MSH3: variants seen among roughly 807,000 people sequenced by gnomAD.
MSH3 encodes DNA mismatch repair protein Msh3.
A neutral mutation model predicts 123.3 loss-of-function variants in MSH3; 106 were observed. That is an observed-to-expected ratio of 0.86 (90% CI 0.73 to 1.01). The LOEUF is 1.01. MSH3 is among the 50% of genes least tolerant of loss of function. The pLI is 0.00. For synonymous variants in MSH3, 515 were observed against 481.4 expected (o/e 1.07, Z -0.91); for missense variants, 1,459 against 1,347.6 (o/e 1.08, Z -1.29).
chr5:80,863,681 A>G (rs1221342976), intron 21 of MSH3, among the ~76,000 whole-genome samples: 2 of 152,062 alleles, frequency 1.3e-5, no homozygotes, highest in Admixed American at 1.3e-4. Context: ...AAGAAAAGAA[A>G]TACATTGGTT....
At chr5:80,662,008 T>G (rs895959474) in intron 2 of MSH3, among the ~76,000 whole-genome samples, 1 of 152,168 alleles carries the variant, frequency 6.6e-6, no homozygotes, top group African/African-American at 2.4e-5. Flanking sequence ...ACAGTAGACA[T>G]TAGTAACATT....
chr5:80,802,893 A>G (rs1225525902), intron 19 of MSH3, among the ~76,000 whole-genome samples: 5 of 152,188 alleles, frequency 3.3e-5, no homozygotes, highest in Non-Finnish European at 7.3e-5. Context: ...GTTGTTGCAA[A>G]TGACAGGATC....
intron 20 of MSH3, among the ~76,000 whole-genome samples, chr5:80,815,420 G>T (rs1405668271): frequency 2.0e-5 from 3 of 152,046 alleles, no homozygotes; most frequent in Non-Finnish European, 4.4e-5. Context: ...AATATAAGGG[G>T]ATTTGCCTGG....
Position 80,692,651 on chromosome 5 carries a change from G to T in MSH3, c.1340+13558G>T, listed in dbSNP as rs564693384. Among the ~76,000 whole-genome samples, 293 of 113,422 alleles carry T rather than the reference G, an allele frequency of 2.6e-3. 1 individual carries two copies. The highest frequency in any genetic ancestry group is 7.8e-3 in the South Asian group (29 of 3,732). The allele number at this position is 113,422 out of a possible 152,430, so 74.4% of individuals were successfully genotyped here. A position where few individuals can be genotyped will look rare whatever the true frequency, so the allele number is the denominator to read the frequency against. The stretch of plus-strand genomic sequence containing the variant: ...GTATATGTTTATATATGTTTATATA[G>T]ATATATATATACACATGTATATGTT... On this transcript the variant is annotated intron_variant, in intron 8 of 23. Transcript: ENST00000265081.
At position 80,834,667 on chromosome 5, in the gene MSH3, T is replaced by C. The variant is rs963762269; in HGVS notation, c.2814-19463T>C. Among the ~76,000 whole-genome samples, 5 of 148,406 alleles carry C rather than the reference T, an allele frequency of 3.4e-5. No individual in the cohort carries two copies. The East Asian group carries it at 9.7e-4, about 29-fold the overall frequency. On this transcript the variant is annotated intron_variant, in intron 20 of 23. Coordinates refer to ENST00000265081, the MANE Select transcript of MSH3 (RefSeq NM_002439.5). ...TAAATACTTAAAATATATATAAATA[T>C]AAAATAATAATACTTAAAAATAATA... is the stretch of plus-strand genomic sequence containing the variant.
chr5:80,744,589 G>A lies in MSH3; in HGVS notation c.1737G>A (p.Trp579Ter). 1 of 1,613,286 alleles carries A rather than the reference G, an allele frequency of 6.2e-7. No individual in the cohort carries two copies. Among genetic ancestry groups the A allele is most frequent in the Non-Finnish European group, 8.5e-7 (1 of 1,179,540 alleles). Residue 579 changes from tryptophan to a stop codon, truncating the protein, a stop_gained, in exon 12 of 24, where the codon TGG (tryptophan) becomes TGA (stop). Transcript: ENST00000265081. LOFTEE classifies it high-confidence loss of function. Reference sequence around the variant, plus strand: ...TTGGGAGACGGAAGTTAAAGAAGTGGGTGACCCAGCCACTCCTTAAATTAA... The same window carrying A: ...TTGGGAGACGGAAGTTAAAGAAGTGAGTGACCCAGCCACTCCTTAAATTAA... ...TSFGRRKLKK[W>*]VTQPLLKLRE...
intron 8 of MSH3, among the ~76,000 whole-genome samples, chr5:80,719,246 TC>T (rs1751027557): frequency 6.6e-6 from 1 of 151,894 alleles, no homozygotes; most frequent in Non-Finnish European, 1.5e-5. Flanking sequence ...TGGGGTTTCA[TC>T]GTGTTGGCCA....
intron 20 of MSH3, among the ~76,000 whole-genome samples, chr5:80,826,193 C>T (rs2112072262): frequency 1.3e-5 from 2 of 152,294 alleles, no homozygotes; most frequent in Middle Eastern, 6.8e-3. Context: ...CAAGGTGGTA[C>T]ACAAGAATTA....
chr5:80,704,954 G>A (rs1288836805), intron 8 of MSH3, among the ~76,000 whole-genome samples: 1 of 152,108 alleles, frequency 6.6e-6, no homozygotes. Flanking sequence ...GGGCCAGACA[G>A]CCTGTGTTTG....
At position 80,670,147 on chromosome 5, in the gene MSH3, T is replaced by C. The variant is rs756754675; in HGVS notation, c.630T>C (p.His210=). Residue 210 remains histidine, a synonymous_variant, in exon 4 of 24, where the codon CAT becomes CAC. Transcript: ENST00000265081. ...LSQFGSSNTS[H]ENLQKTASKS... is the part of the protein sequence containing the mutation. ...AGTTTGGATCATCAAATACAAGTCA[T>C]GAAAATTTACAGAAAACTGCTTCCA... 1.2e-6 allele frequency: 2 copies of C among 1,614,144 alleles called. No individual in the cohort carries two copies. The highest frequency in any genetic ancestry group is 1.1e-5 in the South Asian group (1 of 91,082).
At chr5:80,773,154 G>A (rs1289509438) in intron 15 of MSH3, among the ~76,000 whole-genome samples, 2 of 152,174 alleles carry the variant, frequency 1.3e-5, no homozygotes, top group East Asian at 1.9e-4. Context: ...GCATCTGGAT[G>A]TGTCCTTCCC....
intron 20 of MSH3, among the ~76,000 whole-genome samples, chr5:80,821,841 T>A (rs1266213715): frequency 1.3e-5 from 2 of 152,242 alleles, no homozygotes; most frequent in African/African-American, 4.8e-5. Flanking sequence ...TCCCTTGTTG[T>A]ATGCACAGCA....
intron 13 of MSH3, among the ~76,000 whole-genome samples, chr5:80,764,191 C>T (rs1049944572): frequency 2.6e-5 from 4 of 152,174 alleles, no homozygotes; most frequent in Non-Finnish European, 5.9e-5. Context: ...GTCCTGGGTA[C>T]AGATTGTGCC....
At chr5:80,675,157 G>A in intron 7 of MSH3, 29 bp downstream of exon 7, 2 of 1,611,142 alleles carry the variant, frequency 1.2e-6, no homozygotes, top group South Asian at 1.1e-5. Context: ...AGGAACAAAT[G>A]TTAGATGTTC....
chr5:80,749,658 A>C (rs1465635819), intron 12 of MSH3, among the ~76,000 whole-genome samples: 19 of 152,238 alleles, frequency 1.2e-4, no homozygotes, highest in Admixed American at 1.2e-3. Context: ...TATACATTAT[A>C]GAATGATCAA....
chr5:80,726,521 C>T (rs749155838), intron 9 of MSH3, among the ~76,000 whole-genome samples: 2 of 152,168 alleles, frequency 1.3e-5, no homozygotes, highest in Non-Finnish European at 2.9e-5. Context: ...GGCCGGAGTA[C>T]AGTGGTGCAA....
At chr5:80,786,040 C>A (rs1744502218) in intron 17 of MSH3, among the ~76,000 whole-genome samples, 1 of 151,806 alleles carries the variant, frequency 6.6e-6, no homozygotes, top group Admixed American at 6.6e-5. Flanking sequence ...ATACCTAACG[C>A]TAGATGACGA....
intron 12 of MSH3, among the ~76,000 whole-genome samples, chr5:80,752,079 C>T (rs372685215): frequency 2.0e-5 from 3 of 151,728 alleles, no homozygotes; most frequent in Admixed American, 2.0e-4. Context: ...AGTATCTGTC[C>T]AGGTGAAGGT....
At chr5:80,853,996 T>C (rs541756739) in intron 20 of MSH3, 134 bp from the exon 21 acceptor site, 110 of 724,254 alleles carry the variant, frequency 1.5e-4, no homozygotes, top group Non-Finnish European at 2.3e-4. Context: ...TTTGTTTAAT[T>C]TAATTTGAGC....
Sources: gnomAD v4.1 joint callset for allele counts (sites outside exome capture counted in the v4.1 genomes callset) on GRCh38, gnomAD v4.1.1 for gene constraint, MANE v1.5 for transcripts, NCBI Gene and HGNC (gene_info 2026-07-23, HGNC 2026-07-21) for gene names.